Variants in TAF3 observed in about 807,000 individuals in gnomAD.
The protein encoded by TAF3 is TATA-box binding protein associated factor 3.
A neutral mutation model predicts 80.6 loss-of-function variants in TAF3; 7 were observed. The ratio of observed to expected loss-of-function variants is 0.09; its 90% CI spans 0.05 to 0.16. The LOEUF is 0.16. Ranked by LOEUF, TAF3 falls within the 10% of genes least tolerant of loss-of-function variation. TAF3 has a pLI of 1.00. For synonymous variants in TAF3, 444 were observed against 446.1 expected, an observed-to-expected ratio of 1.00 and a Z score of 0.06; for missense variants, 921 against 1,140.2, an observed-to-expected ratio of 0.81 and a Z score of 2.77.
chr10:7,961,084 A>G (rs1412860446), intron 2 of TAF3, among the ~76,000 whole-genome samples: 1 of 152,212 alleles, frequency 6.6e-6, no homozygotes, highest in Admixed American at 6.5e-5. Context: ...GCTGCACTGG[A>G]GGCCGAGACT....
chr10:7,934,064 G>A (rs1235664648), intron 2 of TAF3, among the ~76,000 whole-genome samples: 1 of 152,158 alleles, frequency 6.6e-6, no homozygotes, highest in African/African-American at 2.4e-5. Context: ...TAACACTCTC[G>A]ATAGCGTAGA....
intron 2 of TAF3, among the ~76,000 whole-genome samples, chr10:7,935,257 A>C (rs61833240): frequency 6.6e-6 from 1 of 151,582 alleles, no homozygotes; most frequent in African/African-American, 2.4e-5. Context: ...AGCCTGGGCA[A>C]CAGCAAAACT....
intron 3 of TAF3, among the ~76,000 whole-genome samples, chr10:7,970,600 A>T (rs1831612837): frequency 6.6e-6 from 1 of 152,200 alleles, no homozygotes; most frequent in Non-Finnish European, 1.5e-5. Flanking sequence ...GCAAGGGCAC[A>T]TCATGATTTT....
chr10:7,838,908 G>GGTTTTTT (rs548969641), intron 2 of TAF3, among the ~76,000 whole-genome samples: 1 of 101,866 alleles, frequency 9.8e-6, no homozygotes, highest in African/African-American at 3.9e-5. Context: ...GGCATTGCTT[G>GGTTTTTT]TTTTTTTTTT....
At chr10:7,836,685 C>T (rs991152238) in intron 2 of TAF3, among the ~76,000 whole-genome samples, 18 of 152,230 alleles carry the variant, frequency 1.2e-4, no homozygotes, top group African/African-American at 4.3e-4. Flanking sequence ...TTGACCTCTT[C>T]TCTCATTCTC....
chr10:7,900,882 A>T (rs1282817354), intron 2 of TAF3, among the ~76,000 whole-genome samples: 1 of 152,074 alleles, frequency 6.6e-6, no homozygotes, highest in African/African-American at 2.4e-5. Flanking sequence ...TTTAAAAATC[A>T]TAATAAATTT....
intron 2 of TAF3, among the ~76,000 whole-genome samples, chr10:7,948,886 GT>G (rs1285703927): frequency 6.6e-6 from 1 of 152,084 alleles, no homozygotes; most frequent in Non-Finnish European, 1.5e-5. Context: ...TTATTAAATG[GT>G]TTTGTTAAAA....
chr10:7,820,830 A>G (rs1836683167), intron 1 of TAF3, among the ~76,000 whole-genome samples: 1 of 152,236 alleles, frequency 6.6e-6, no homozygotes, highest in African/African-American at 2.4e-5. Context: ...ACAAAGTAAT[A>G]TGCGTGCATT....
At chr10:7,899,501 A>G (rs1160095979) in intron 2 of TAF3, among the ~76,000 whole-genome samples, 1 of 152,258 alleles carries the variant, frequency 6.6e-6, no homozygotes, top group South Asian at 2.1e-4. Context: ...TTCCCTCTAC[A>G]GTTAAACCCA....
rs1190342509 is a variant in TAF3 at position 7,977,224 on chromosome 10, T to C, written c.2233-17T>C. On this transcript the variant is annotated splice_polypyrimidine_tract_variant and intron_variant, in intron 3 of 6. Transcript: ENST00000344293. ...GTTGAAAAACCATATTGAACTTTAATGTGCTAACTTCCACAGATAAAAGTG... is the reference window on the plus strand; with the variant it reads ...GTTGAAAAACCATATTGAACTTTAACGTGCTAACTTCCACAGATAAAAGTG... The C allele has an allele frequency of 1.2e-6, 2 of 1,613,516 alleles. No individual in the cohort carries two copies. The highest frequency in any genetic ancestry group is 4.5e-5 in the East Asian group (2 of 44,876).
chr10:7,874,786 C>G (rs552133437), intron 2 of TAF3, among the ~76,000 whole-genome samples: 53 of 151,622 alleles, frequency 3.5e-4, no homozygotes, highest in African/African-American at 1.2e-3. Context: ...TTTCTAGGTG[C>G]AGATTACATG....
intron 2 of TAF3, among the ~76,000 whole-genome samples, chr10:7,884,535 C>T (rs183862179): frequency 3.3e-5 from 5 of 152,048 alleles, no homozygotes; most frequent in Non-Finnish European, 5.9e-5. Flanking sequence ...TATAGGCGCC[C>T]GCCACCATGC....
chr10:7,866,442 T>C (rs1837215787), intron 2 of TAF3, among the ~76,000 whole-genome samples: 1 of 152,116 alleles, frequency 6.6e-6, no homozygotes, highest in African/African-American at 2.4e-5. Flanking sequence ...AGCTGATAGC[T>C]CAGTGATGAG....
chr10:7,894,760 T>A (rs999973007), intron 2 of TAF3, among the ~76,000 whole-genome samples: 1 of 152,118 alleles, frequency 6.6e-6, no homozygotes, highest in African/African-American at 2.4e-5. Flanking sequence ...TGGGCTGGAG[T>A]GTAGGCTAAG....
rs61498355 is a variant in TAF3, at chr10:7,884,392, C to CTTTTTTTTTTTTTTTT, written c.409+59843_409+59844insTTTTTTTTTTTTTTTT. On this transcript the variant is annotated intron_variant, in intron 2 of 6. Coordinates refer to ENST00000344293, the MANE Select transcript of TAF3 (RefSeq NM_031923.4). ...CCGTTTCTCCAAAGAGCTCTGCCTCCTTTTTTTTTTTGAGATGGAGTTTTG... is the reference window on the plus strand; with the variant it reads ...CCGTTTCTCCAAAGAGCTCTGCCTCCTTTTTTTTTTTTTTTTTTTTTTTTTTTGAGATGGAGTTTTG... 5.0e-5 allele frequency among the ~76,000 whole-genome samples: 6 copies of CTTTTTTTTTTTTTTTT among 120,496 alleles called. 1 individual carries two copies. Among genetic ancestry groups the CTTTTTTTTTTTTTTTT allele is most frequent in the African/African-American group, 8.6e-5 (3 of 34,964 alleles). The allele number at this position is 120,496 out of a possible 152,430, so 79.1% of individuals were successfully genotyped here.
chr10:8,010,258 GA>G (rs1832041625), intron 5 of TAF3, among the ~76,000 whole-genome samples: 1 of 152,156 alleles, frequency 6.6e-6, no homozygotes, highest in South Asian at 2.1e-4. Flanking sequence ...GCTTTTGGCT[GA>G]AAAGTTACAT....
intron 3 of TAF3, 72 bp downstream of exon 3, chr10:7,965,814 A>G: frequency 7.1e-7 from 1 of 1,412,608 alleles, no homozygotes; most frequent in South Asian, 2.0e-5. Context: ...CAAAGCCCAC[A>G]ATTATATCTG....
chr10:7,920,310 GTGTGTGTGTGTGTGTGTGTGTA>G (rs201370190), intron 2 of TAF3, among the ~76,000 whole-genome samples: 28,082 of 84,392 alleles, frequency 0.33, 2,939 homozygotes, highest in East Asian at 0.51. Flanking sequence ...GTGTGTGTGT[GTGTGTGTGTGTGTGTGTGTGTA>G]TGTGTGTGTG....
At chr10:7,856,858 CAAAAAAAAAAA>C (rs57207229) in intron 2 of TAF3, among the ~76,000 whole-genome samples, 10 of 91,156 alleles carry the variant, frequency 1.1e-4, no homozygotes, top group Non-Finnish European at 6.6e-5. Context: ...AGCTGGTTCT[CAAAAAAAAAAA>C]AAAAAAAAAA....
Sources: gnomAD v4.1 joint callset for allele counts (sites outside exome capture counted in the v4.1 genomes callset) on GRCh38, gnomAD v4.1.1 for gene constraint, MANE v1.5 for transcripts, NCBI Gene and HGNC (gene_info 2026-07-23, HGNC 2026-07-21) for gene names.